Variants in MEF2A observed in about 807,000 individuals in gnomAD.
The protein encoded by MEF2A is myocyte-specific enhancer factor 2A.
In MEF2A, 28 loss-of-function variants were observed where a neutral mutation model predicts 55.8. The ratio of observed to expected loss-of-function variants is 0.50; its 90% CI spans 0.37 to 0.69. MEF2A has a LOEUF of 0.69. MEF2A is among the 30% of genes least tolerant of loss of function. The pLI is 0.00. For synonymous variants in MEF2A, 239 were observed against 227.1 expected (o/e 1.05, Z -0.47); for missense variants, 528 against 626.2 (o/e 0.84, Z 1.67).
intron 4 of MEF2A, among the ~76,000 whole-genome samples, chr15:99,669,493 C>T (rs1218868786): frequency 6.6e-6 from 1 of 152,182 alleles, no homozygotes; most frequent in African/African-American, 2.4e-5. Flanking sequence ...TCCTTTAGTG[C>T]TCCCAACAAC....
intron 1 of MEF2A, among the ~76,000 whole-genome samples, chr15:99,594,342 A>G (rs184707039): frequency 5.9e-4 from 90 of 152,274 alleles, no homozygotes; most frequent in Non-Finnish European, 1.2e-3. Flanking sequence ...AGAGATGCAT[A>G]GGGCAAGGTG....
Position 99,699,952 on chromosome 15 carries a change from ATG to A in MEF2A, c.859-3378_859-3377del, listed in dbSNP as rs752346994. The stretch of plus-strand genomic sequence containing the variant: ...GTTGAAGGATTCAGTAAGAGTTTAT[ATG>A]TGTGTGTGTGTGTGTGTGTGTGTGT... On this transcript the variant is annotated intron_variant, in intron 8 of 11. Transcript: ENST00000557942. Among the ~76,000 whole-genome samples, 791 of 130,650 alleles carry A rather than the reference ATG, an allele frequency of 6.1e-3. 5 individuals carry two copies. Among genetic ancestry groups the A allele is most frequent in the African/African-American group, 0.017 (582 of 34,648 alleles). The allele number at this position is 130,650 out of a possible 152,430, so 85.7% of individuals were successfully genotyped here. A position where few individuals can be genotyped will look rare whatever the true frequency, so the allele number is the denominator to read the frequency against.
Position 99,712,873 on chromosome 15 carries a change from A to G in MEF2A, c.*102A>G. 48 of 1,146,974 alleles carry G rather than the reference A, an allele frequency of 4.2e-5. No individual in the cohort carries two copies. The highest frequency in any genetic ancestry group is 5.2e-5 in the Non-Finnish European group (42 of 813,516). The allele number at this position is 1,146,974 out of a possible 1,614,324, so 71.0% of individuals were successfully genotyped here. ...ATGAGTTAAATATATTTATATGTAC[A>G]TACATATATATATCCCTTTACATAT... On this transcript the variant is annotated 3_prime_UTR_variant, in exon 12 of 12. Transcript: ENST00000557942. This position sits in a 1 kb window ranked among gnomAD's most constrained non-coding sequence, Gnocchi z 4.1.
At chr15:99,689,646 A>G (rs2054985563) in intron 7 of MEF2A, among the ~76,000 whole-genome samples, 1 of 152,020 alleles carries the variant, frequency 6.6e-6, no homozygotes, top group African/African-American at 2.4e-5. Context: ...ACATCCAGCT[A>G]ATTTTTGTAT....
chr15:99,709,798 C>T (rs1014106763), intron 10 of MEF2A, among the ~76,000 whole-genome samples: 1 of 152,182 alleles, frequency 6.6e-6, no homozygotes, highest in African/African-American at 2.4e-5. Context: ...ATGATATGAG[C>T]TGGGTATACT....
At chr15:99,663,556 A>C (rs1383106181) in intron 4 of MEF2A, among the ~76,000 whole-genome samples, 1 of 151,864 alleles carries the variant, frequency 6.6e-6, no homozygotes, top group East Asian at 1.9e-4. Flanking sequence ...TTTATGTATA[A>C]AAGTTTTATA....
At chr15:99,620,276 GAATATTCATGTCACCCAAA>G (rs1408906488) in intron 2 of MEF2A, among the ~76,000 whole-genome samples, 2 of 152,098 alleles carry the variant, frequency 1.3e-5, no homozygotes, top group Admixed American at 6.5e-5. Flanking sequence ...TTTTGTGTGT[GAATATTCATGTCACCCAAA>G]TAATAAGCAC....
chr15:99,711,674 C>G (rs1223435782), intron 11 of MEF2A, among the ~76,000 whole-genome samples: 4 of 152,202 alleles, frequency 2.6e-5, no homozygotes, highest in Non-Finnish European at 5.9e-5. Context: ...CAGTCCCTTT[C>G]CCTCATCCAT....
intron 2 of MEF2A, among the ~76,000 whole-genome samples, chr15:99,617,369 T>C (rs1381602184): frequency 1.3e-5 from 2 of 152,146 alleles, no homozygotes; most frequent in African/African-American, 4.8e-5. Flanking sequence ...TTGGTCTTCT[T>C]GACACTTTAG....
chr15:99,608,665 G>A (rs146596614), intron 2 of MEF2A, among the ~76,000 whole-genome samples: 95 of 152,264 alleles, frequency 6.2e-4, no homozygotes, highest in Non-Finnish European at 1.2e-3. Flanking sequence ...TTGGGAGGCC[G>A]AGGTGGGTGG....
At chr15:99,696,320 T>C (rs2056475829) in intron 8 of MEF2A, among the ~76,000 whole-genome samples, 1 of 152,198 alleles carries the variant, frequency 6.6e-6, no homozygotes, top group Non-Finnish European at 1.5e-5. Context: ...TTTTCACAAG[T>C]GCACATGGAA....
chr15:99,680,064 A>T (rs1184305197), intron 7 of MEF2A, among the ~76,000 whole-genome samples: 1 of 152,216 alleles, frequency 6.6e-6, no homozygotes, highest in South Asian at 2.1e-4. Flanking sequence ...CAAAATGCCA[A>T]GGTTGATGAA....
At chr15:99,598,913 T>TG (rs1972103846) in intron 2 of MEF2A, among the ~76,000 whole-genome samples, 1 of 152,146 alleles carries the variant, frequency 6.6e-6, no homozygotes, top group South Asian at 2.1e-4. Flanking sequence ...AAGTGAAAGA[T>TG]GACATGCATG....
intron 7 of MEF2A, among the ~76,000 whole-genome samples, chr15:99,689,223 T>TGAAGCTGAAGAAACAGACTCAGTA: frequency 6.6e-6 from 1 of 152,174 alleles, no homozygotes. Flanking sequence ...AGGACCTCAG[T>TGAAGCTGAAGAAACAGACTCAGTA]GAAGCTGAAG....
chr15:99,685,695 T>C lies in MEF2A; in HGVS notation c.671-4546T>C, dbSNP rs192124383. ...GATCATGGTGTATTATCTTTTGATA[T>C]GCTGTTGGATTCGGTCACCTGTTAT... On this transcript the variant is annotated intron_variant, in intron 7 of 11. Transcript: ENST00000557942. Among the ~76,000 whole-genome samples the C allele has an allele frequency of 4.9e-4, 75 of 152,334 alleles. 1 individual carries two copies. Among genetic ancestry groups the C allele is most frequent in the African/African-American group, 1.7e-3 (72 of 41,578 alleles).
chr15:99,586,987 A>C (rs569287498), intron 1 of MEF2A, among the ~76,000 whole-genome samples: 2 of 151,968 alleles, frequency 1.3e-5, no homozygotes, highest in South Asian at 4.1e-4. Flanking sequence ...CCATTGATGT[A>C]TGTATTTTGT....
At chr15:99,687,902 T>A (rs573915424) in intron 7 of MEF2A, among the ~76,000 whole-genome samples, 31 of 152,358 alleles carry the variant, frequency 2.0e-4, no homozygotes, top group African/African-American at 5.8e-4. Flanking sequence ...TGAATTTTTT[T>A]AATTTCCAAA....
chr15:99,712,531 G>C lies in MEF2A; in HGVS notation c.1278G>C (p.Gln426His), dbSNP rs975766668. 1.2e-5 allele frequency: 19 copies of C among 1,535,382 alleles called. No homozygotes were observed. The Admixed American group carries it at 2.1e-4, about 17-fold the overall frequency. ...AGCAGCAGCAGCAGCAGCAGCAGCA[G>C]CAGCAGCCGCCGCCACCACCGCAGC... ...GFQQQQQQQQ[Q>H]QQPPPPPQPQ... Residue 426 changes from glutamine to histidine, a missense_variant, in exon 12 of 12, where the codon CAG becomes CAC. Transcript: ENST00000557942. This position sits in a 1 kb window ranked among gnomAD's most constrained non-coding sequence, Gnocchi z 4.1.
At chr15:99,698,644 T>C (rs1274583532) in intron 8 of MEF2A, among the ~76,000 whole-genome samples, 2 of 151,462 alleles carry the variant, frequency 1.3e-5, no homozygotes, top group South Asian at 4.2e-4. Flanking sequence ...AATACAAAAT[T>C]AGCCAGGGGT....
Sources: allele counts gnomAD v4.1 joint callset (sites outside exome capture counted in the v4.1 genomes callset), GRCh38; gene constraint gnomAD v4.1.1; non-coding constraint Gnocchi (gnomAD v3.1); transcripts MANE v1.5; gene names NCBI Gene and HGNC (gene_info 2026-07-23, HGNC 2026-07-21).